The following THSD4 variants were observed in gnomAD, a reference collection of about 807,000 sequenced individuals.
THSD4 encodes the protein thrombospondin type-1 domain-containing protein 4.
A neutral mutation model predicts 119.0 loss-of-function variants in THSD4; 69 were observed. The ratio of observed to expected loss-of-function variants is 0.58; its 90% CI spans 0.48 to 0.71. THSD4 has a LOEUF of 0.71. Among genes scored for constraint, THSD4 ranks in the 30% least tolerant of loss-of-function variants. The pLI, the probability that THSD4 is intolerant of heterozygous loss-of-function variation, is 0.00. For missense variants in THSD4, 1,393 were observed against 1,391.1 expected (o/e 1.00, Z -0.02); for synonymous variants, 524 against 540.4 (o/e 0.97, Z 0.42).
At chr15:71,315,468 C>G (rs1008705107) in intron 6 of THSD4, among the ~76,000 whole-genome samples, 5 of 152,206 alleles carry the variant, frequency 3.3e-5, no homozygotes, top group Admixed American at 3.3e-4. Context: ...ACCATGGCCA[C>G]CTCTTGTTAA....
At chr15:71,635,094 T>A (rs1057415861) in intron 7 of THSD4, among the ~76,000 whole-genome samples, 1 of 152,172 alleles carries the variant, frequency 6.6e-6, no homozygotes. Context: ...TATGCATCGG[T>A]CACATGTATG....
At chr15:71,324,279 T>C (rs1421257367) in intron 6 of THSD4, among the ~76,000 whole-genome samples, 1 of 152,150 alleles carries the variant, frequency 6.6e-6, no homozygotes, top group Admixed American at 6.5e-5. Context: ...TAGTATTTCA[T>C]TATATGAGTG....
chr15:71,323,823 A>G (rs1286011881), intron 6 of THSD4, among the ~76,000 whole-genome samples: 1 of 152,262 alleles, frequency 6.6e-6, no homozygotes, highest in Non-Finnish European at 1.5e-5. Context: ...AGAAGAAAGT[A>G]TAAATAATCT....
intron 1 of THSD4, 66 bp from the exon 2 acceptor site, chr15:71,141,383 C>A: frequency 1.2e-6 from 1 of 852,822 alleles, no homozygotes; most frequent in Non-Finnish European, 1.7e-6. Flanking sequence ...GTTTTGTTGA[C>A]CGAGTTACGC....
chr15:71,194,184 G>A (rs929382740), intron 3 of THSD4, among the ~76,000 whole-genome samples: 7 of 152,190 alleles, frequency 4.6e-5, no homozygotes, highest in African/African-American at 1.2e-4. Context: ...CCAGTCTCGG[G>A]TATGTCTTTA....
chr15:71,128,792 G>T (rs1748904391), intron 1 of THSD4, among the ~76,000 whole-genome samples: 1 of 152,150 alleles, frequency 6.6e-6, no homozygotes, highest in Non-Finnish European at 1.5e-5. Context: ...AGTGTTTCTG[G>T]TTTTAACATG....
At chr15:71,618,798 G>A (rs940405024) in intron 7 of THSD4, among the ~76,000 whole-genome samples, 5 of 151,860 alleles carry the variant, frequency 3.3e-5, no homozygotes, top group African/African-American at 9.7e-5. Flanking sequence ...GGCTGGTCTT[G>A]AACTCCTGGA....
intron 7 of THSD4, among the ~76,000 whole-genome samples, chr15:71,567,777 G>A (rs1708474858): frequency 1.8e-5 from 1 of 56,662 alleles, no homozygotes; most frequent in South Asian, 6.2e-4. Flanking sequence ...GAGAGAGAGA[G>A]TGTGTGTGTG....
At chr15:71,672,606 A>G (rs531874062) in intron 8 of THSD4, among the ~76,000 whole-genome samples, 1 of 152,312 alleles carries the variant, frequency 6.6e-6, no homozygotes, top group Non-Finnish European at 1.5e-5. Context: ...CCCATTCAGT[A>G]TGATATTGGC....
upstream of THSD4, chr15:71,111,740 G>A: frequency 1.9e-6 from 1 of 521,686 alleles, no homozygotes. Flanking sequence ...ACTTCCAAAT[G>A]CTAGCAACGT....
chr15:71,129,044 G>A (rs1253789964), intron 1 of THSD4, among the ~76,000 whole-genome samples: 2 of 152,148 alleles, frequency 1.3e-5, no homozygotes, highest in Non-Finnish European at 2.9e-5. Context: ...TTGAGAGTTG[G>A]CAAGAGACTG....
intron 7 of THSD4, among the ~76,000 whole-genome samples, chr15:71,588,467 A>G (rs1595908447): frequency 6.6e-6 from 1 of 152,046 alleles, no homozygotes; most frequent in South Asian, 2.1e-4. Flanking sequence ...CCTGTCACCC[A>G]GAATGGAGTA....
chr15:71,181,942 A>C (rs893851481), intron 3 of THSD4, among the ~76,000 whole-genome samples: 3 of 152,210 alleles, frequency 2.0e-5, no homozygotes, highest in Non-Finnish European at 2.9e-5. Context: ...GACCTAAAAA[A>C]ATCTTGGGTC....
chr15:71,568,568 C>CTTTTTTTTTTTTTTTTTTTTTTTTTTTT (rs61430926), intron 7 of THSD4, among the ~76,000 whole-genome samples: 1 of 137,872 alleles, frequency 7.3e-6, no homozygotes. Context: ...CTCTTTTTCT[C>CTTTTTTTTTTTTTTTTTTTTTTTTTTTT]TTTTTTTTTT....
chr15:71,484,736 C>T (rs376797503), intron 7 of THSD4, among the ~76,000 whole-genome samples: 168 of 152,276 alleles, frequency 1.1e-3, no homozygotes, highest in African/African-American at 3.5e-3. Context: ...AACTCAGAGA[C>T]GTGAAGTGAC....
chr15:71,476,478 G>A (rs565166212), intron 7 of THSD4, among the ~76,000 whole-genome samples: 1 of 152,250 alleles, frequency 6.6e-6, no homozygotes, highest in East Asian at 1.9e-4. Flanking sequence ...GTGACCTCAA[G>A]TGATCCACCC....
At chr15:71,264,126 A>C (rs1166824201) in intron 6 of THSD4, among the ~76,000 whole-genome samples, 1 of 152,230 alleles carries the variant, frequency 6.6e-6, no homozygotes, top group Non-Finnish European at 1.5e-5. Flanking sequence ...TGTCAGATAA[A>C]AACATAGACA....
intron 3 of THSD4, among the ~76,000 whole-genome samples, chr15:71,203,475 T>C (rs892603484): frequency 6.7e-6 from 1 of 149,020 alleles, no homozygotes; most frequent in African/African-American, 2.4e-5. Flanking sequence ...GCCAACATGA[T>C]GAAACCTCGT....
intron 6 of THSD4, among the ~76,000 whole-genome samples, chr15:71,277,391 G>A (rs2044605682): frequency 6.6e-6 from 1 of 152,164 alleles, no homozygotes; most frequent in Non-Finnish European, 1.5e-5. Context: ...CTCCCAAAGT[G>A]CTGGGATTAC....
Sources: allele counts gnomAD v4.1 joint callset (sites outside exome capture counted in the v4.1 genomes callset), GRCh38; gene constraint gnomAD v4.1.1; transcripts MANE v1.5; gene names NCBI Gene and HGNC (gene_info 2026-07-23, HGNC 2026-07-21).